The following BMP6 variants were observed in gnomAD, a reference collection of about 807,000 sequenced individuals.
BMP6 encodes the protein bone morphogenetic protein 6.
BMP6 carries 17 observed loss-of-function variants against 54.1 expected under a neutral mutation model. That is an observed-to-expected ratio of 0.31 (90% confidence interval 0.22 to 0.47). The LOEUF (loss-of-function observed/expected upper bound fraction) is 0.47. Among genes scored for constraint, BMP6 ranks in the 20% least tolerant of loss-of-function variants. The pLI, the probability that BMP6 is intolerant of heterozygous loss-of-function variation, is 1.00. For missense variants in BMP6, 720 were observed against 690.4 expected, an observed-to-expected ratio of 1.04 and a Z score of -0.48; for synonymous variants, 328 against 291.2, an observed-to-expected ratio of 1.13 and a Z score of -1.28.
intron 1 of BMP6, among the ~76,000 whole-genome samples, chr6:7,778,176 G>C (rs1368541089): frequency 6.6e-6 from 1 of 152,138 alleles, no homozygotes; most frequent in Non-Finnish European, 1.5e-5. Context: ...AAGGCGTGAC[G>C]TATCTTTTAC....
At position 7,727,409 on chromosome 6, in the gene BMP6, G is replaced by A. The variant is rs1367101497; in HGVS notation, c.454G>A (p.Ala152Thr). The change falls in exon 1 of 7, where the codon GCG becomes ACG. Residue 152 changes from alanine to threonine, a missense_variant. Physicochemically the swap from Ala to Thr is moderately conservative, Grantham distance 58 (BLOSUM62 0). Around this residue, in one of 3 missense-constraint regions of BMP6, gnomAD observed 650 missense variants for 556.3 expected, o/e 1.17. Coordinates refer to ENST00000283147, the MANE Select transcript of BMP6 (RefSeq NM_001718.6). ...ALSADNDEDGASEGERQQSWP... is the reference protein window; with the variant it reads ...ALSADNDEDGTSEGERQQSWP... ...GTCCGCCGACAACGACGAGGACGGG[G>A]CGTCGGAGGGGGAGAGGCAGCAGTC... 3 of 1,607,104 alleles carry A rather than the reference G, an allele frequency of 1.9e-6. No homozygotes were observed. The highest frequency in any genetic ancestry group is 1.1e-5 in the South Asian group (1 of 90,374).
chr6:7,861,280 T>C (rs1759329602), intron 2 of BMP6, among the ~76,000 whole-genome samples, 171 bp from the exon 3 acceptor site: 1 of 152,194 alleles, frequency 6.6e-6, no homozygotes, highest in Admixed American at 6.6e-5. Flanking sequence ...GTCATGCCTG[T>C]GTCCTGGGTG....
intron 1 of BMP6, among the ~76,000 whole-genome samples, chr6:7,740,033 AC>A (rs1762018567): frequency 2.0e-5 from 3 of 152,198 alleles, no homozygotes; most frequent in Non-Finnish European, 2.9e-5. Context: ...AGACCTGCAC[AC>A]TGGGCTGAGA....
At chr6:7,811,206 G>A (rs181608451) in intron 1 of BMP6, among the ~76,000 whole-genome samples, 166 of 152,326 alleles carry the variant, frequency 1.1e-3, no homozygotes, top group Admixed American at 9.7e-3. Flanking sequence ...CTGTGTCACA[G>A]GCTGCTGACA....
rs78448279 is a variant in BMP6 at position 7,857,762 on chromosome 6, A to G, written c.858-3689A>G. 4.6e-3 allele frequency among the ~76,000 whole-genome samples: 701 copies of G among 152,352 alleles called. 8 individuals are homozygous for G. Among genetic ancestry groups the G allele is most frequent in the African/African-American group, 0.016 (662 of 41,574 alleles). ...GGAAACATTAGTACATGTGGGTCAG[A>G]CCAGAACCGTTTTAGTGATTTGTCA... On this transcript the variant is annotated intron_variant, in intron 2 of 6. Transcript: ENST00000283147.
chr6:7,759,782 C>T (rs549297484), intron 1 of BMP6, among the ~76,000 whole-genome samples: 5 of 129,136 alleles, frequency 3.9e-5, no homozygotes, highest in South Asian at 2.5e-4. Flanking sequence ...CAACTCACTG[C>T]GGCCTCTGCC....
intron 1 of BMP6, among the ~76,000 whole-genome samples, chr6:7,787,153 A>G (rs1228446036): frequency 2.0e-5 from 3 of 152,194 alleles, no homozygotes; most frequent in Admixed American, 6.5e-5. Flanking sequence ...ACAGAAGTAA[A>G]GAGTTTGGGA....
At chr6:7,741,291 C>CATCATT (rs1757248152) in intron 1 of BMP6, among the ~76,000 whole-genome samples, 1 of 151,792 alleles carries the variant, frequency 6.6e-6, no homozygotes, top group Non-Finnish European at 1.5e-5. Flanking sequence ...TCTTTATTAT[C>CATCATT]ATTATTATTA....
chr6:7,726,936 G>T lies in BMP6; in HGVS notation c.-20G>T. The T allele has an allele frequency of 8.8e-7, 1 of 1,132,342 alleles. No homozygotes were observed. The highest frequency in any genetic ancestry group is 1.1e-6 in the Non-Finnish European group (1 of 923,944). The allele number at this position is 1,132,342 out of a possible 1,614,324, so 70.1% of individuals were successfully genotyped here. ...CTCCACGCCTCGCGGGATCCGCGGGGGCAGCCCGGCCGGGCGGGGATGCCG... is the reference window on the plus strand; with the variant it reads ...CTCCACGCCTCGCGGGATCCGCGGGTGCAGCCCGGCCGGGCGGGGATGCCG... On this transcript the variant is annotated 5_prime_UTR_variant, in exon 1 of 7. Coordinates refer to ENST00000283147, the MANE Select transcript of BMP6 (RefSeq NM_001718.6).
chr6:7,841,316 G>A (rs143021406), intron 1 of BMP6, among the ~76,000 whole-genome samples: 22 of 152,216 alleles, frequency 1.4e-4, no homozygotes, highest in South Asian at 4.2e-4. Context: ...TATAAAGTAG[G>A]TACTGAGGGC....
chr6:7,841,006 C>T (rs1758960386), intron 1 of BMP6, among the ~76,000 whole-genome samples: 2 of 152,166 alleles, frequency 1.3e-5, no homozygotes, highest in African/African-American at 4.8e-5. Context: ...AGACATACTC[C>T]AAGCTCCGAG....
chr6:7,801,170 G>C (rs564131360), intron 1 of BMP6, among the ~76,000 whole-genome samples: 1 of 152,254 alleles, frequency 6.6e-6, no homozygotes, highest in East Asian at 1.9e-4. Context: ...TGGGTGGCTT[G>C]GCATCAACTT....
chr6:7,859,785 G>C (rs1759306463), intron 2 of BMP6, among the ~76,000 whole-genome samples: 1 of 152,102 alleles, frequency 6.6e-6, no homozygotes, highest in South Asian at 2.1e-4. Flanking sequence ...AACTGGGCAG[G>C]CCAGAATGTG....
intron 1 of BMP6, among the ~76,000 whole-genome samples, chr6:7,836,592 TCTA>T (rs1286380988): frequency 6.6e-6 from 1 of 152,204 alleles, no homozygotes; most frequent in Non-Finnish European, 1.5e-5. Flanking sequence ...ATGGGGCTTC[TCTA>T]CTGTTTTTTC....
chr6:7,820,752 C>T (rs1448018021), intron 1 of BMP6, among the ~76,000 whole-genome samples: 2 of 152,186 alleles, frequency 1.3e-5, no homozygotes, highest in Non-Finnish European at 2.9e-5. Flanking sequence ...GCAGCAGTCC[C>T]AACCTTTTTG....
At chr6:7,847,970 A>G (rs1759090750) in intron 2 of BMP6, among the ~76,000 whole-genome samples, 1 of 152,230 alleles carries the variant, frequency 6.6e-6, no homozygotes, top group Non-Finnish European at 1.5e-5. Context: ...CAACTCATAG[A>G]TTAGAATGGA....
At chr6:7,752,177 T>G (rs1194490538) in intron 1 of BMP6, among the ~76,000 whole-genome samples, 2 of 152,248 alleles carry the variant, frequency 1.3e-5, no homozygotes, top group Non-Finnish European at 2.9e-5. Context: ...GGTGTGATCT[T>G]TGTCTCAGCT....
At chr6:7,777,680 A>AT (rs1231003124) in intron 1 of BMP6, among the ~76,000 whole-genome samples, 2 of 115,808 alleles carry the variant, frequency 1.7e-5, no homozygotes, top group Admixed American at 9.3e-5. Flanking sequence ...GGCATCACTA[A>AT]TAAAAAAAAA....
chr6:7,880,729 T>A lies in BMP6; in HGVS notation c.*386T>A, dbSNP rs760549689. On this transcript the variant is annotated 3_prime_UTR_variant, in exon 7 of 7. Transcript: ENST00000283147. ...AATCTCAAAGGAGTTAAATGTATTC[T>A]TGGCTAAAGGATCAGCTGGTTCAGT... The A allele has an allele frequency of 8.2e-4, 227 of 276,286 alleles. 1 individual carries two copies. Among genetic ancestry groups the A allele is most frequent in the Non-Finnish European group, 1.0e-3 (147 of 142,636 alleles). 17.1% of individuals were successfully genotyped at this position (276,286 alleles called of 1,614,324 possible).
Sources: gnomAD v4.1 joint callset for allele counts (sites outside exome capture counted in the v4.1 genomes callset) on GRCh38, gnomAD v4.1.1 for gene constraint, gnomAD v4.1.1 regional missense constraint, MANE v1.5 for transcripts, NCBI Gene and HGNC (gene_info 2026-07-23, HGNC 2026-07-21) for gene names.